CCDC102A: variants seen among roughly 807,000 people sequenced by gnomAD.
CCDC102A encodes the protein coiled-coil domain containing 102A.
CCDC102A carries 40 observed loss-of-function variants against 55.5 expected under a neutral mutation model. That is an observed-to-expected ratio of 0.72 (90% CI 0.56 to 0.94). CCDC102A has a LOEUF of 0.94. Ranked by LOEUF, CCDC102A falls within the 40% of genes least tolerant of loss-of-function variation. CCDC102A has a pLI of 0.00. For synonymous variants in CCDC102A, 323 were observed against 339.0 expected, an observed-to-expected ratio of 0.95 and a Z score of 0.52; for missense variants, 779 against 768.6, an observed-to-expected ratio of 1.01 and a Z score of -0.16.
intron 4 of CCDC102A, among the ~76,000 whole-genome samples, chr16:57,520,452 G>A (rs1214976659): frequency 2.6e-5 from 4 of 151,718 alleles, no homozygotes; most frequent in South Asian, 4.2e-4. Flanking sequence ...GGTGACTGTC[G>A]GTCTCCCATG....
At chr16:57,525,075 TTTTATTTA>T (rs3030605) in intron 3 of CCDC102A, among the ~76,000 whole-genome samples, 10,616 of 149,468 alleles carry the variant, frequency 0.071, 496 homozygotes, top group South Asian at 0.21. Context: ...ACGCTCATCG[TTTTATTTA>T]TTTATTTATT....
Position 57,529,301 on chromosome 16 carries a change from C to T in CCDC102A, c.-124G>A. ...CGTGCCCCGCTTCCCTCTGGGCCAC[C>T]GGGCGGAGGACGCCTCCTCGGACCT... is the stretch of plus-strand genomic sequence containing the variant. On this transcript the variant is annotated 5_prime_UTR_variant, in exon 2 of 9. Coordinates refer to ENST00000258214, the MANE Select transcript of CCDC102A (RefSeq NM_033212.4). The surrounding 1 kb of genome is among the most constrained non-coding windows in gnomAD (Gnocchi z 4.1). 7 of 1,116,266 alleles carry T rather than the reference C, an allele frequency of 6.3e-6. No homozygotes were observed. The highest frequency in any genetic ancestry group is 6.6e-6 in the Non-Finnish European group (6 of 912,326). The allele number at this position is 1,116,266 out of a possible 1,614,324, so 69.1% of individuals were successfully genotyped here.
At position 57,525,974 on chromosome 16, in the gene CCDC102A, C is replaced by G. The variant is rs1198246514; in HGVS notation, c.739G>C (p.Glu247Gln). ...AGGGCGGTCAACTTGGAGGCCTCCT[C>G]CTCCGTGGCAGCTGTGTCCTCCCAG... Reference protein sequence around the residue: ...LPWEDTAATEEEASKLTALRL... With the variant: ...LPWEDTAATEQEASKLTALRL... Residue 247 changes from glutamate to glutamine, a missense_variant, in exon 3 of 9, where the codon GAG becomes CAG. Physicochemically the swap from Glu to Gln is conservative, Grantham distance 29 (BLOSUM62 2). Coordinates refer to ENST00000258214, the MANE Select transcript of CCDC102A (RefSeq NM_033212.4). 2 of 1,612,188 alleles carry G rather than the reference C, an allele frequency of 1.2e-6. No individual in the cohort carries two copies. The highest frequency in any genetic ancestry group is 1.7e-6 in the Non-Finnish European group (2 of 1,179,190).
At chr16:57,520,969 A>G in intron 4 of CCDC102A, 99 bp downstream of exon 4, 1 of 768,958 alleles carries the variant, frequency 1.3e-6, no homozygotes, top group Non-Finnish European at 2.2e-6. Context: ...CAACTGTTGG[A>G]TGAATTAATG....
Position 57,528,669 on chromosome 16 carries a change from G to T in CCDC102A, c.509C>A (p.Thr170Lys). 1 of 1,144,980 alleles carries T rather than the reference G, an allele frequency of 8.7e-7. No homozygotes were observed. Among genetic ancestry groups the T allele is most frequent in the East Asian group, 5.0e-5 (1 of 19,986 alleles). 70.9% of individuals were successfully genotyped at this position (1,144,980 alleles called of 1,614,324 possible). ...CGCTTCCGGCTCGGGGCCGTCGCGCGTCTGGTCGGCGACCCCCCGGGCGCC... is the reference window on the plus strand; with the variant it reads ...CGCTTCCGGCTCGGGGCCGTCGCGCTTCTGGTCGGCGACCCCCCGGGCGCC... ...LRGARGVADQ[T>K]RDGPEPEAER... The change falls in exon 2 of 9, where the codon ACG becomes AAG. Residue 170 changes from threonine (T) to lysine (K), a missense_variant. Coordinates refer to ENST00000258214, the MANE Select transcript of CCDC102A (RefSeq NM_033212.4).
intron 1 of CCDC102A, among the ~76,000 whole-genome samples, chr16:57,534,743 A>G (rs186202755): frequency 4.2e-4 from 64 of 152,288 alleles, no homozygotes; most frequent in African/African-American, 1.5e-3. Context: ...GAGTCATCCT[A>G]AAGATCAGGA....
In CCDC102A at chr16:57,529,737, C is replaced by G. The variant is rs779688950; in HGVS notation, c.-147-413G>C. Among the ~76,000 whole-genome samples the G allele has an allele frequency of 2.6e-5, 4 of 152,182 alleles. No individual in the cohort carries two copies. Among genetic ancestry groups the G allele is most frequent in the Non-Finnish European group, 5.9e-5 (4 of 68,042 alleles). ...AGACTCTTCTGAGGTATCACTTCCTCCTGGAAGCCCTCCTGGAGCACTTCA... is the reference window on the plus strand; with the variant it reads ...AGACTCTTCTGAGGTATCACTTCCTGCTGGAAGCCCTCCTGGAGCACTTCA... On this transcript the variant is annotated intron_variant, in intron 1 of 8. Coordinates refer to ENST00000258214, the MANE Select transcript of CCDC102A (RefSeq NM_033212.4). This position sits in a 1 kb window ranked among gnomAD's most constrained non-coding sequence, Gnocchi z 4.1.
chr16:57,528,982 C>A lies in CCDC102A; in HGVS notation c.196G>T (p.Asp66Tyr), dbSNP rs1190549648. Reference protein sequence around the residue: ...PLPPAPALLADGDWESREELR... With the variant: ...PLPPAPALLAYGDWESREELR... ...TCCTCGCGGCTCTCCCAGTCGCCGT[C>A]GGCCAGCAGCGCGGGCGCGGGGGGC... Residue 66 changes from aspartate to tyrosine, a missense_variant, in exon 2 of 9, where the codon GAC becomes TAC. Asp to Tyr is a radical substitution (Grantham distance 160). Transcript: ENST00000258214. 2 of 1,218,574 alleles carry A rather than the reference C, an allele frequency of 1.6e-6. No homozygotes were observed. The highest frequency in any genetic ancestry group is 9.1e-5 in the East Asian group (2 of 22,020). The allele number at this position is 1,218,574 out of a possible 1,614,324, so 75.5% of individuals were successfully genotyped here.
rs2032370443 is a variant in CCDC102A, at chr16:57,535,983, C to A, written c.-148+517G>T. ...GTCGACCCCTCCCAAGCCGCTGGCC[C>A]TGCGAACCGCCCCGCTCCACCTAGC... On this transcript the variant is annotated intron_variant, in intron 1 of 8. Transcript: ENST00000258214. Among the ~76,000 whole-genome samples, 3 of 152,210 alleles carry A rather than the reference C, an allele frequency of 2.0e-5. No individual in the cohort carries two copies. The South Asian group carries it at 6.2e-4, about 31-fold the overall frequency.
Position 57,529,147 on chromosome 16 carries a change from C to T in CCDC102A, c.31G>A (p.Glu11Lys), listed in dbSNP as rs1195284332. MSHGPSPRLA[E>K]SPQLSKGSLL... ...CTGCCCTTGGACAGCTGCGGGGACTCGGCCAGCCGGGGGCTGGGCCCGTGG... is the reference window on the plus strand; with the variant it reads ...CTGCCCTTGGACAGCTGCGGGGACTTGGCCAGCCGGGGGCTGGGCCCGTGG... Residue 11 changes from glutamate to lysine, a missense_variant, in exon 2 of 9, where the codon GAG becomes AAG. Coordinates refer to ENST00000258214, the MANE Select transcript of CCDC102A (RefSeq NM_033212.4). This position sits in a 1 kb window ranked among gnomAD's most constrained non-coding sequence, Gnocchi z 4.1. 6.8e-6 allele frequency: 8 copies of T among 1,184,948 alleles called. No homozygotes were observed. The highest frequency in any genetic ancestry group is 8.4e-6 in the Non-Finnish European group (8 of 957,402). The allele number at this position is 1,184,948 out of a possible 1,614,324, so 73.4% of individuals were successfully genotyped here.
chr16:57,532,690 G>C (rs1260407491), intron 1 of CCDC102A, among the ~76,000 whole-genome samples: 1 of 127,490 alleles, frequency 7.8e-6, no homozygotes, highest in Non-Finnish European at 1.6e-5. Context: ...TCATCCCCAA[G>C]TGAAGCAGAC....
Position 57,528,836 on chromosome 16 carries a change from C to G in CCDC102A, c.342G>C (p.Glu114Asp). 1 of 1,300,142 alleles carries G rather than the reference C, an allele frequency of 7.7e-7. No homozygotes were observed. Among genetic ancestry groups the G allele is most frequent in the East Asian group, 3.4e-5 (1 of 29,088 alleles). 80.5% of individuals were successfully genotyped at this position (1,300,142 alleles called of 1,614,324 possible). A position where few individuals can be genotyped will look rare whatever the true frequency, so the allele number is the denominator to read the frequency against. ...GCACCTCCTCGCGCGCGCGGTTGCGCTCAGCGCGCACCTTGCTCCATTTCT... is the reference window on the plus strand; with the variant it reads ...GCACCTCCTCGCGCGCGCGGTTGCGGTCAGCGCGCACCTTGCTCCATTTCT... ...WREKWSKVRA[E>D]RNRAREEVRQ... The change falls in exon 2 of 9, where the codon GAG becomes GAC. Residue 114 changes from glutamate (E) to aspartate (D), a missense_variant. Glu to Asp is a conservative substitution (Grantham distance 45). Coordinates refer to ENST00000258214, the MANE Select transcript of CCDC102A (RefSeq NM_033212.4).
intron 6 of CCDC102A, among the ~76,000 whole-genome samples, chr16:57,517,361 T>C (rs1356733290): frequency 1.3e-5 from 2 of 152,156 alleles, no homozygotes; most frequent in Non-Finnish European, 2.9e-5. Context: ...TTATTATTAT[T>C]TTTTTGAGAC....
chr16:57,532,648 A>G lies in CCDC102A; in HGVS notation c.-147-3324T>C, dbSNP rs1419612977. ...GACACACATATGCCAGCACACTGACACACAGGTACAAGGACATGCAAGGAG... is the reference window on the plus strand; with the variant it reads ...GACACACATATGCCAGCACACTGACGCACAGGTACAAGGACATGCAAGGAG... On this transcript the variant is annotated intron_variant, in intron 1 of 8. Coordinates refer to ENST00000258214, the MANE Select transcript of CCDC102A (RefSeq NM_033212.4). Among the ~76,000 whole-genome samples the G allele has an allele frequency of 3.3e-5, 5 of 152,152 alleles. No homozygotes were observed. In the South Asian group the frequency reaches 1.0e-3, roughly 32 times the overall value.
intron 1 of CCDC102A, among the ~76,000 whole-genome samples, chr16:57,534,436 G>A (rs2032332568): frequency 6.6e-6 from 1 of 152,158 alleles, no homozygotes. Flanking sequence ...TGTTGCTTGT[G>A]GACTTGTCTG....
Position 57,528,976 on chromosome 16 carries a change from C to A in CCDC102A, c.202G>T (p.Asp68Tyr). ...PPAPALLADG[D>Y]WESREELRLR... ...CGCAGCTCCTCGCGGCTCTCCCAGT[C>A]GCCGTCGGCCAGCAGCGCGGGCGCG... Residue 68 changes from aspartate to tyrosine, a missense_variant, in exon 2 of 9, where the codon GAC becomes TAC. Asp to Tyr is a radical substitution (Grantham distance 160, BLOSUM62 -3). Coordinates refer to ENST00000258214, the MANE Select transcript of CCDC102A (RefSeq NM_033212.4). The A allele has an allele frequency of 7.9e-7, 1 of 1,265,380 alleles. No homozygotes were observed. Among genetic ancestry groups the A allele is most frequent in the Non-Finnish European group, 1.0e-6 (1 of 996,078 alleles). The allele number at this position is 1,265,380 out of a possible 1,614,324, so 78.4% of individuals were successfully genotyped here. A position where few individuals can be genotyped will look rare whatever the true frequency, so the allele number is the denominator to read the frequency against.
intron 1 of CCDC102A, among the ~76,000 whole-genome samples, chr16:57,532,702 C>G (rs1192220155): frequency 2.6e-4 from 1 of 3,812 alleles, no homozygotes; most frequent in Non-Finnish European, 7.8e-4. Context: ...GAAGCAGACA[C>G]ACACACACAC....
At chr16:57,522,405 C>T (rs1183865243) in intron 3 of CCDC102A, among the ~76,000 whole-genome samples, 3 of 152,134 alleles carry the variant, frequency 2.0e-5, no homozygotes, top group Non-Finnish European at 4.4e-5. Flanking sequence ...TACCTCCCTC[C>T]TGCTGTACCC....
rs1414215983 is a variant in CCDC102A at position 57,529,680 on chromosome 16, T to C, written c.-147-356A>G. Among the ~76,000 whole-genome samples, 1 of 152,140 alleles carries C rather than the reference T, an allele frequency of 6.6e-6. No individual in the cohort carries two copies. The highest frequency in any genetic ancestry group is 1.5e-5 in the Non-Finnish European group (1 of 68,014). On this transcript the variant is annotated intron_variant, in intron 1 of 8. Transcript: ENST00000258214. This position sits in a 1 kb window ranked among gnomAD's most constrained non-coding sequence, Gnocchi z 4.1. ...GTGCCAGGAGTCCCCTCCCTGCCTT[T>C]TCCTGCACTGGGCTAACTCTTCTCA...
Sources: gnomAD v4.1 joint callset for allele counts (sites outside exome capture counted in the v4.1 genomes callset) on GRCh38, gnomAD v4.1.1 for gene constraint, Gnocchi (gnomAD v3.1) non-coding constraint, MANE v1.5 for transcripts, NCBI Gene and HGNC (gene_info 2026-07-23, HGNC 2026-07-21) for gene names.